OAS3: variants seen among roughly 807,000 people sequenced by gnomAD.
OAS3 encodes 2'-5'-oligoadenylate synthetase 3.
Under a neutral mutation model 113.0 loss-of-function variants are expected in OAS3, and 107 were observed. The ratio of observed to expected loss-of-function variants is 0.95; its 90% CI spans 0.81 to 1.11. The LOEUF (loss-of-function observed/expected upper bound fraction) is 1.11. Ranked by LOEUF, OAS3 falls within the 50% of genes most tolerant of loss-of-function variation. OAS3 has a pLI of 0.00. For synonymous variants in OAS3, 552 were observed against 573.6 expected (o/e 0.96, Z 0.54); for missense variants, 1,258 against 1,389.1 (o/e 0.91, Z 1.50).
At chr12:112,964,476 A>G in intron 11 of OAS3, 68 bp downstream of exon 11, 1 of 1,514,802 alleles carries the variant, frequency 6.6e-7, no homozygotes, top group Non-Finnish European at 9.0e-7. Flanking sequence ...GCCCAGGGCC[A>G]GGCTTGACCC....
intron 6 of OAS3, 156 bp from the exon 7 acceptor site, chr12:112,950,537 A>G: frequency 1.3e-6 from 1 of 798,428 alleles, no homozygotes. Context: ...CTAAGAGGTC[A>G]CAGGACCCAT....
At chr12:112,944,406 C>T (rs142983221) in intron 2 of OAS3, 70 bp from the exon 3 acceptor site, 22,987 of 1,559,692 alleles carry the variant, frequency 0.015, 253 homozygotes, top group Non-Finnish European at 0.015. Context: ...AGGCTGAGCT[C>T]GGCACCAACA....
intron 14 of OAS3, chr12:112,969,406 C>T: frequency 1.6e-6 from 1 of 618,054 alleles, no homozygotes. Context: ...TAATGTTTGC[C>T]TGAATGCAGA....
intron 4 of OAS3, 55 bp from the exon 5 acceptor site, chr12:112,947,891 T>G (rs2043747711): frequency 6.7e-7 from 1 of 1,482,006 alleles, no homozygotes; most frequent in African/African-American, 1.4e-5. Context: ...CCAGGTCCGT[T>G]TCACTCCAGA....
At position 112,972,499 on chromosome 12, in the gene OAS3, C is replaced by T. The variant is rs182042384; in HGVS notation, c.*2526C>T. ...CCTAAAAACACCCACATATGCTTTT[C>T]GATGGAACCAGGTAAGTTGACGCTA... is the stretch of plus-strand genomic sequence containing the variant. On this transcript the variant is annotated 3_prime_UTR_variant, in exon 16 of 16. Transcript: ENST00000228928. 8 of 152,282 alleles carry T rather than the reference C, an allele frequency of 5.3e-5. No individual in the cohort carries two copies. The highest frequency in any genetic ancestry group is 1.9e-4 in the East Asian group (1 of 5,180). The allele number at this position is 152,282 out of a possible 1,614,324, so 9.4% of individuals were successfully genotyped here.
chr12:112,948,053 G>T lies in OAS3; in HGVS notation c.983G>T (p.Cys328Phe), dbSNP rs577669327. 4.0e-5 allele frequency: 64 copies of T among 1,585,322 alleles called. No homozygotes were observed. Among genetic ancestry groups the T allele is most frequent in the Admixed American group, 7.1e-5 (4 of 56,114 alleles). Residue 328 changes from cysteine (C) to phenylalanine (F), a missense_variant, in exon 5 of 16, where the codon TGC becomes TTC. Coordinates refer to ENST00000228928, the MANE Select transcript of OAS3 (RefSeq NM_006187.4). ...GCAGCATCCTGCTATGACCACCCAT[G>T]CTTTCTGAGGGGGATGGGGGACCCA... The part of the protein sequence containing the change: ...QEAASCYDHP[C>F]FLRGMGDPVQ...
At chr12:112,947,428 G>A (rs1033964986) in intron 4 of OAS3, among the ~76,000 whole-genome samples, 1 of 152,164 alleles carries the variant, frequency 6.6e-6, no homozygotes, top group African/African-American at 2.4e-5. Flanking sequence ...ATGTACTTTT[G>A]TGTCTGGCTT....
At position 112,944,482 on chromosome 12, in the gene OAS3, C is replaced by A. The variant is rs1351169094; in HGVS notation, c.467C>A (p.Ala156Asp). 2 of 1,613,988 alleles carry A rather than the reference C, an allele frequency of 1.2e-6. No individual in the cohort carries two copies. The highest frequency in any genetic ancestry group is 1.1e-5 in the South Asian group (1 of 91,084). ...LVPAFNVLGQ[A>D]GSGVKPKPQV... ...CAGCGCTTCACACCAACAGGTCAGGCCGGCTCCGGCGTCAAACCCAAGCCA... is the reference window on the plus strand; with the variant it reads ...CAGCGCTTCACACCAACAGGTCAGGACGGCTCCGGCGTCAAACCCAAGCCA... The change falls in exon 3 of 16, where the codon GCC (alanine) becomes GAC (aspartate). Residue 156 changes from alanine to aspartate, a missense_variant. Transcript: ENST00000228928.
At chr12:112,967,363 C>A in intron 12 of OAS3, 55 bp from the exon 13 acceptor site, 3 of 1,522,880 alleles carry the variant, frequency 2.0e-6, no homozygotes, top group South Asian at 1.2e-5. Context: ...TCTAAGTTGG[C>A]CCCACTGGGA....
intron 14 of OAS3, 128 bp from the exon 15 acceptor site, chr12:112,969,480 G>T: frequency 9.2e-7 from 1 of 1,086,314 alleles, no homozygotes; most frequent in Non-Finnish European, 1.4e-6. Flanking sequence ...GGAGCACTGA[G>T]GAATCTCTGA....
At chr12:112,962,585 G>A (rs1475568892) in intron 8 of OAS3, 67 bp from the exon 9 acceptor site, 26 of 1,558,662 alleles carry the variant, frequency 1.7e-5, no homozygotes, top group Non-Finnish European at 2.0e-5. Context: ...CCTGCCCCAA[G>A]TGCTTATGGC....
In OAS3 at chr12:112,964,294, C is replaced by T; in HGVS notation, c.2289C>T (p.Leu763=). 1 of 1,605,976 alleles carries T rather than the reference C, an allele frequency of 6.2e-7. No homozygotes were observed. The highest frequency in any genetic ancestry group is 8.5e-7 in the Non-Finnish European group (1 of 1,175,942). Residue 763 remains leucine, a synonymous_variant, in exon 11 of 16, where the codon CTC becomes CTT. Transcript: ENST00000228928. ...GDLDKFISEF[L]QPNRQFLAQV... Reference sequence around the variant, plus strand: ...TTGACAAGTTCATCAGTGAATTTCTCCAGCCCAACCGCCAGTTCCTGGCCC... The same window carrying T: ...TTGACAAGTTCATCAGTGAATTTCTTCAGCCCAACCGCCAGTTCCTGGCCC...
At position 112,967,970 on chromosome 12, in the gene OAS3, C is replaced by T. The variant is rs1371871682; in HGVS notation, c.2900C>T (p.Pro967Leu). 2 of 1,613,954 alleles carry T rather than the reference C, an allele frequency of 1.2e-6. No individual in the cohort carries two copies. ...ATCTCCAAGGGGAGAGGCTCCCTAC[C>T]CCCACAGCACGGGCTGGAACTCCTG... ...TKISKGRGSL[P>L]PQHGLELLTV... The change falls in exon 14 of 16, where the codon CCC becomes CTC. Residue 967 changes from proline to leucine, a missense_variant. By Grantham distance (98) the Pro-to-Leu change is moderately conservative. Transcript: ENST00000228928.
intron 8 of OAS3, 141 bp from the exon 9 acceptor site, chr12:112,962,511 C>T: frequency 9.8e-7 from 1 of 1,022,718 alleles, no homozygotes; most frequent in Middle Eastern, 2.2e-4. Context: ...GTTTACCCAC[C>T]TGTAAAATGA....
At chr12:112,949,268 G>A in intron 6 of OAS3, 63 bp downstream of exon 6, 3 of 1,446,804 alleles carry the variant, frequency 2.1e-6, no homozygotes, top group Non-Finnish European at 2.8e-6. Context: ...GGGAAGGGAA[G>A]GAGTTACAGC....
intron 4 of OAS3, among the ~76,000 whole-genome samples, chr12:112,947,276 C>T (rs1319389879): frequency 1.3e-5 from 2 of 152,218 alleles, no homozygotes; most frequent in East Asian, 3.8e-4. Context: ...TACTTTGAAA[C>T]CACCACCCAG....
chr12:112,938,633 G>A lies in OAS3; in HGVS notation c.103G>A (p.Ala35Thr). The change falls in exon 1 of 16, where the codon GCC (alanine) becomes ACC (threonine). Residue 35 changes from alanine (A) to threonine (T), a missense_variant. Transcript: ENST00000228928. ...AGAGAAGGCGCGGCGCGCTCTGGGC[G>A]CCCTGGCCGCTGCCCTGAGGGAGCG... Reference protein sequence around the residue: ...FVEKARRALGALAAALRERGG... With the variant: ...FVEKARRALGTLAAALRERGG... 1.2e-6 allele frequency: 2 copies of A among 1,606,384 alleles called. No individual in the cohort carries two copies. The highest frequency in any genetic ancestry group is 8.5e-7 in the Non-Finnish European group (1 of 1,177,482).
intron 1 of OAS3, 112 bp from the exon 2 acceptor site, chr12:112,941,458 C>T: frequency 8.3e-7 from 1 of 1,198,098 alleles, no homozygotes; most frequent in Non-Finnish European, 1.2e-6. Context: ...TGCCTACAGC[C>T]ATGTGGCCAC....
rs45519442 is a variant in OAS3, at chr12:112,948,964, G to A, written c.1133G>A (p.Arg378Lys). The A allele has an allele frequency of 9.6e-4, 1,556 of 1,613,856 alleles. 9 individuals carry two copies. The African/African-American group carries it at 0.019, about 20-fold the overall frequency. The stretch of plus-strand genomic sequence containing the variant: ...AAGAGCCTCAATGCTGTGTACCCAA[G>A]AGCAGGGAGCAAACCTCCCTCATGC... Reference protein sequence around the residue: ...NSKSLNAVYPRAGSKPPSCPA... With the variant: ...NSKSLNAVYPKAGSKPPSCPA... The change falls in exon 6 of 16, where the codon AGA becomes AAA. Residue 378 changes from arginine to lysine, a missense_variant. By Grantham distance (26) the Arg-to-Lys change is conservative. Transcript: ENST00000228928.
Sources: gnomAD v4.1 joint callset for allele counts (sites outside exome capture counted in the v4.1 genomes callset) on GRCh38, gnomAD v4.1.1 for gene constraint, MANE v1.5 for transcripts, NCBI Gene and HGNC (gene_info 2026-07-23, HGNC 2026-07-21) for gene names.